Variants in LRRC19 observed in about 807,000 individuals in gnomAD.
LRRC19 encodes the protein leucine-rich repeat-containing protein 19.
A neutral mutation model predicts 33.3 loss-of-function variants in LRRC19; 33 were observed. The observed-to-expected ratio is 0.99, with a 90% CI of 0.75 to 1.33. LRRC19 has a LOEUF of 1.33. Ranked by LOEUF, LRRC19 falls within the 40% of genes most tolerant of loss-of-function variation. The pLI, the probability that LRRC19 is intolerant of heterozygous loss-of-function variation, is 0.00. For synonymous variants in LRRC19, 184 were observed against 152.3 expected, an observed-to-expected ratio of 1.21 and a Z score of -1.53; for missense variants, 463 against 417.3, an observed-to-expected ratio of 1.11 and a Z score of -0.95.
intron 1 of LRRC19, among the ~76,000 whole-genome samples, chr9:27,005,359 C>G (rs1429261499): frequency 8.3e-5 from 4 of 48,028 alleles, no homozygotes; most frequent in Admixed American, 2.4e-4. Context: ...ATTTCCCCCC[C>G]CGCCCCCCGC....
intron 1 of LRRC19, among the ~76,000 whole-genome samples, chr9:27,001,456 G>A (rs751218289): frequency 2.6e-5 from 4 of 152,012 alleles, no homozygotes; most frequent in South Asian, 2.1e-4. Flanking sequence ...TCTCCACATC[G>A]TCACCAGCAT....
chr9:27,002,988 A>G (rs191707756), intron 1 of LRRC19, among the ~76,000 whole-genome samples: 1 of 151,928 alleles, frequency 6.6e-6, no homozygotes, highest in African/African-American at 2.4e-5. Flanking sequence ...AGTTTTTGTT[A>G]TATAGATATT....
At position 26,993,423 on chromosome 9, in the gene LRRC19, T is replaced by C. The variant is rs536600534; in HGVS notation, c.*2098A>G. ...AGAAACATTAGCCATAATATACTTA[T>C]ATCCTTTGTTGAAAACATGTGTCTG... is the stretch of plus-strand genomic sequence containing the variant. On this transcript the variant is annotated 3_prime_UTR_variant, in exon 5 of 5. Coordinates refer to ENST00000380055, the MANE Select transcript of LRRC19 (RefSeq NM_022901.3). 7 of 152,668 alleles carry C rather than the reference T, an allele frequency of 4.6e-5. No homozygotes were observed. In the East Asian group the frequency reaches 1.2e-3, roughly 25 times the overall value. 9.5% of individuals were successfully genotyped at this position (152,668 alleles called of 1,614,324 possible). A position where few individuals can be genotyped will look rare whatever the true frequency, so the allele number is the denominator to read the frequency against.
chr9:26,996,005 G>T (rs1828135963), intron 4 of LRRC19, among the ~76,000 whole-genome samples, 156 bp from the exon 5 acceptor site: 1 of 152,022 alleles, frequency 6.6e-6, no homozygotes, highest in Admixed American at 6.6e-5. Flanking sequence ...AATTCTCTTT[G>T]TTCAAAATAG....
chr9:27,002,505 T>C lies in LRRC19; in HGVS notation c.-9-2802A>G, dbSNP rs80245189. On this transcript the variant is annotated intron_variant, in intron 1 of 4. Transcript: ENST00000380055. ...AGGGGTCTGGTTTCATTTTTCCATA[T>C]ATAGTTATGCAGTTTTTCTAGCACC... Among the ~76,000 whole-genome samples, 1,190 of 152,380 alleles carry C rather than the reference T, an allele frequency of 7.8e-3. 12 individuals are homozygous for C. Among genetic ancestry groups the C allele is most frequent in the Middle Eastern group, 0.031 (9 of 294 alleles).
intron 2 of LRRC19, among the ~76,000 whole-genome samples, chr9:26,999,263 GC>G (rs745898911): frequency 7.2e-5 from 11 of 152,014 alleles, no homozygotes; most frequent in Non-Finnish European, 1.6e-4. Context: ...TACTGTTTTT[GC>G]AGTTAGATTT....
intron 1 of LRRC19, among the ~76,000 whole-genome samples, chr9:27,002,500 C>G (rs1225264310): frequency 6.6e-6 from 1 of 152,306 alleles, no homozygotes; most frequent in Non-Finnish European, 1.5e-5. Context: ...TTTCATTTTT[C>G]CATATATAGT....
chr9:27,001,440 C>T (rs1828483299), intron 1 of LRRC19, among the ~76,000 whole-genome samples: 1 of 152,070 alleles, frequency 6.6e-6, no homozygotes, highest in South Asian at 2.1e-4. Context: ...TATGAGGGTT[C>T]CCCTTTCTCC....
chr9:26,999,752 CTT>C, intron 1 of LRRC19, 49 bp from the exon 2 acceptor site: 1 of 826,000 alleles, frequency 1.2e-6, no homozygotes, highest in Non-Finnish European at 1.8e-6. Flanking sequence ...ATTTTTCCCT[CTT>C]TTGAATCTGT....
Position 27,005,659 on chromosome 9 carries a change from A to G in LRRC19, c.-77T>C, listed in dbSNP as rs563844896. The G allele has an allele frequency of 6.0e-4, 91 of 152,212 alleles. No homozygotes were observed. Among genetic ancestry groups the G allele is most frequent in the African/African-American group, 2.0e-3 (83 of 41,558 alleles). 9.4% of individuals were successfully genotyped at this position (152,212 alleles called of 1,614,324 possible). The stretch of plus-strand genomic sequence containing the variant: ...TAACTCTGTTTCAACGGCATTAAAA[A>G]AAGTACATCGTATGATTACATTTCA... On this transcript the variant is annotated 5_prime_UTR_variant, in exon 1 of 5. Transcript: ENST00000380055.
chr9:26,998,981 G>A (rs550963842), intron 2 of LRRC19, among the ~76,000 whole-genome samples: 6 of 152,274 alleles, frequency 3.9e-5, no homozygotes, highest in African/African-American at 1.2e-4. Flanking sequence ...GCGACAGAGC[G>A]AGATTCCGTC....
rs1828274752 is a variant in LRRC19 at position 26,998,232 on chromosome 9, A to G, written c.91T>C (p.Cys31Arg). The stretch of plus-strand genomic sequence containing the variant: ...GTATAATTTTTTTCAGTAAAATTAC[A>G]TTGGACTTCCTAGAAAAACAAAAAA... Reference protein sequence around the residue: ...KIQSSKREVQCNFTEKNYTLI... With the variant: ...KIQSSKREVQRNFTEKNYTLI... Residue 31 changes from cysteine to arginine, a missense_variant, in exon 3 of 5, where the codon TGT becomes CGT. By Grantham distance (180) the Cys-to-Arg change is radical (BLOSUM62 -3). Coordinates refer to ENST00000380055, the MANE Select transcript of LRRC19 (RefSeq NM_022901.3). The G allele has an allele frequency of 1.4e-6, 2 of 1,458,994 alleles. No individual in the cohort carries two copies. The highest frequency in any genetic ancestry group is 1.8e-6 in the Non-Finnish European group (2 of 1,089,954). The allele number at this position is 1,458,994 out of a possible 1,614,324, so 90.4% of individuals were successfully genotyped here. A position where few individuals can be genotyped will look rare whatever the true frequency, so the allele number is the denominator to read the frequency against.
At chr9:26,999,992 A>T (rs926126897) in intron 1 of LRRC19, among the ~76,000 whole-genome samples, 1 of 152,042 alleles carries the variant, frequency 6.6e-6, no homozygotes, top group Non-Finnish European at 1.5e-5. Context: ...CCTGGTATCA[A>T]ACTCCTGGGT....
chr9:27,001,809 C>G (rs1289629200), intron 1 of LRRC19, among the ~76,000 whole-genome samples: 1 of 151,996 alleles, frequency 6.6e-6, no homozygotes, highest in Non-Finnish European at 1.5e-5. Context: ...TGTGCACAAG[C>G]TTTTTTGCTT....
At chr9:26,996,978 A>T (rs975802062) in intron 3 of LRRC19, among the ~76,000 whole-genome samples, 87 of 152,272 alleles carry the variant, frequency 5.7e-4, no homozygotes, top group African/African-American at 1.9e-3. Context: ...TGGGAGGCCG[A>T]GGCGGGTGGA....
intron 1 of LRRC19, among the ~76,000 whole-genome samples, chr9:27,002,917 A>T (rs1249700679): frequency 1.3e-5 from 2 of 152,118 alleles, no homozygotes; most frequent in Non-Finnish European, 2.9e-5. Context: ...CACTCCATGA[A>T]CATGGATTAT....
chr9:26,996,208 C>T, intron 4 of LRRC19, 103 bp downstream of exon 4: 1 of 762,764 alleles, frequency 1.3e-6, no homozygotes. Flanking sequence ...GATGAGGAAT[C>T]TTTCTTTTAC....
intron 1 of LRRC19, among the ~76,000 whole-genome samples, chr9:27,004,100 A>C (rs889741350): frequency 5.9e-5 from 9 of 152,202 alleles, no homozygotes; most frequent in African/African-American, 2.2e-4. Flanking sequence ...AACTAGATTT[A>C]AGTTAAAAGT....
rs139456311 is a variant in LRRC19, at chr9:26,996,375, A to G, written c.720T>C (p.Ile240=). Reference sequence around the variant, plus strand: ...TTGAATTGCTGATGGGCTGAAAATGAATATAAAGATCTTCAGTTACTGATG... The same window carrying G: ...TTGAATTGCTGATGGGCTGAAAATGGATATAAAGATCTTCAGTTACTGATG... ...FPSSVTEDLY[I]HFQPISNSIF... Residue 240 remains isoleucine, a synonymous_variant, in exon 4 of 5, where the codon ATT becomes ATC. Transcript: ENST00000380055. The G allele has an allele frequency of 3.3e-3, 5,333 of 1,609,322 alleles. 7 individuals carry two copies. Among genetic ancestry groups the G allele is most frequent in the Non-Finnish European group, 4.2e-3 (4,912 of 1,177,054 alleles).
Sources: gnomAD v4.1 joint callset for allele counts (sites outside exome capture counted in the v4.1 genomes callset) on GRCh38, gnomAD v4.1.1 for gene constraint, MANE v1.5 for transcripts, NCBI Gene and HGNC (gene_info 2026-07-23, HGNC 2026-07-21) for gene names.